Variants in ARHGEF39 observed in about 807,000 individuals in gnomAD.
ARHGEF39 encodes Rho guanine nucleotide exchange factor 39.
A neutral mutation model predicts 47.5 loss-of-function variants in ARHGEF39; 45 were observed. That is an observed-to-expected ratio of 0.95 (90% CI 0.75 to 1.22). ARHGEF39 has a LOEUF of 1.22. ARHGEF39 is among the 50% of genes most tolerant of loss of function. The pLI is 0.00. For missense variants in ARHGEF39, 411 were observed against 425.3 expected (o/e 0.97, Z 0.30); for synonymous variants, 164 against 167.8 (o/e 0.98, Z 0.17).
rs375405530 is a variant in ARHGEF39 at position 35,662,717 on chromosome 9, C to T, written c.698G>A (p.Trp233Ter). 2 of 1,566,462 alleles carry T rather than the reference C, an allele frequency of 1.3e-6. No homozygotes were observed. Among genetic ancestry groups the T allele is most frequent in the African/African-American group, 2.7e-5 (2 of 73,502 alleles). The change falls in exon 7 of 9, where the codon TGG becomes TAG. Residue 233 changes from tryptophan to a stop codon, truncating the protein, a stop_gained. Transcript: ENST00000378387. LOFTEE classifies it high-confidence loss of function. ...CCCATGGGGAGGCACCACTAACAGC[C>T]AGCCCTGGCGTAGGAACCAGCGCCC... ...TSGRWFLRQG[W>*]LLVVPPHGEP...
Position 35,662,754 on chromosome 9 carries a change from A to G in ARHGEF39, c.674-13T>C, listed in dbSNP as rs755777708. The G allele has an allele frequency of 6.4e-7, 1 of 1,550,390 alleles. No individual in the cohort carries two copies. The highest frequency in any genetic ancestry group is 8.7e-7 in the Non-Finnish European group (1 of 1,146,674). On this transcript the variant is annotated splice_polypyrimidine_tract_variant and intron_variant, in intron 6 of 8. Transcript: ENST00000378387. ...AGGAACCAGCGCCCTGGGGGATGGG[A>G]GCGCTGTTATTCTGGTGCAGCTTCA... is the stretch of plus-strand genomic sequence containing the variant.
In ARHGEF39 at chr9:35,661,562, A is replaced by T; in HGVS notation, c.*425T>A. On this transcript the variant is annotated 3_prime_UTR_variant, in exon 9 of 9. Coordinates refer to ENST00000378387, the MANE Select transcript of ARHGEF39 (RefSeq NM_032818.3). ...TTGATAAATGACGGGCCATGGACAC[A>T]GCACAGAGCTTATCAGTCCCAAATC... The T allele has an allele frequency of 2.3e-6, 1 of 436,020 alleles. No homozygotes were observed. Among genetic ancestry groups the T allele is most frequent in the Non-Finnish European group, 4.0e-6 (1 of 248,350 alleles). The allele number at this position is 436,020 out of a possible 1,614,324, so 27.0% of individuals were successfully genotyped here.
chr9:35,664,373 T>G lies in ARHGEF39; in HGVS notation c.353A>C (p.Gln118Pro). ...GATTTGAGGTCATCTCCAGGTTACC[T>G]GCAGGGTGGTCTGGGACCTCTCTGA... ...ANSERSQTTL[Q>P]EQLKKNKGFR... Residue 118 changes from glutamine to proline, a missense_variant and splice_region_variant, in exon 3 of 9, where the codon CAG becomes CCG. Coordinates refer to ENST00000378387, the MANE Select transcript of ARHGEF39 (RefSeq NM_032818.3). 6.2e-7 allele frequency: 1 copy of G among 1,602,912 alleles called. No individual in the cohort carries two copies. Among genetic ancestry groups the G allele is most frequent in the South Asian group, 1.1e-5 (1 of 89,346 alleles).
rs189592819 is a variant in ARHGEF39, at chr9:35,664,116, T to C, written c.365A>G (p.Lys122Arg). The C allele has an allele frequency of 1.9e-6, 3 of 1,614,008 alleles. No homozygotes were observed. Among genetic ancestry groups the C allele is most frequent in the Non-Finnish European group, 1.7e-6 (2 of 1,179,856 alleles). The change falls in exon 4 of 9, where the codon AAG (lysine) becomes AGG (arginine). Residue 122 changes from lysine to arginine, a missense_variant. Transcript: ENST00000378387. ...AAACCTCCGGAAACCTTTATTTTTC[T>C]TTAGCTGCTCCTGGAGTGAGGGAGA... ...RSQTTLQEQL[K>R]KNKGFRRFVR...
In ARHGEF39 at chr9:35,660,662, G is replaced by A; in HGVS notation, c.*1325C>T. On this transcript the variant is annotated 3_prime_UTR_variant, in exon 9 of 9. Coordinates refer to ENST00000378387, the MANE Select transcript of ARHGEF39 (RefSeq NM_032818.3). The stretch of plus-strand genomic sequence containing the variant: ...CTTTTTGAGCGGTGAGGAGAGCAAT[G>A]ATTCTGTGAATTTTTGGGGAATTTG... The A allele has an allele frequency of 6.2e-7, 1 of 1,614,130 alleles. No individual in the cohort carries two copies. Among genetic ancestry groups the A allele is most frequent in the Non-Finnish European group, 8.5e-7 (1 of 1,179,998 alleles).
rs1483391845 is a variant in ARHGEF39, at chr9:35,663,075, C to T, written c.545-1G>A. ...GTCTCACTTATCAGTCGGGCAGCCC[C>T]TGGAATAACATCTCCCACCTTACTC... On this transcript the variant is annotated splice_acceptor_variant, in intron 5 of 8. Coordinates refer to ENST00000378387, the MANE Select transcript of ARHGEF39 (RefSeq NM_032818.3). LOFTEE classifies it high-confidence loss of function. 4 of 1,613,330 alleles carry T rather than the reference C, an allele frequency of 2.5e-6. No individual in the cohort carries two copies. Among genetic ancestry groups the T allele is most frequent in the South Asian group, 2.2e-5 (2 of 91,064 alleles).
At chr9:35,662,363 A>G in intron 7 of ARHGEF39, 96 bp from the exon 8 acceptor site, 2 of 1,424,860 alleles carry the variant, frequency 1.4e-6, no homozygotes, top group Non-Finnish European at 9.8e-7. Flanking sequence ...GGGATGAGAC[A>G]ATGACTAGGT....
rs1824147683 is a variant in ARHGEF39, at chr9:35,664,778, C to T, written c.211G>A (p.Glu71Lys). ...PERQALFGSW[E>K]LIYGASQELL... ...CACTGGCTGGCGCCGTAGATGAGCT[C>T]CCAGGAGCCAAACAGGGCCTGGCGC... The change falls in exon 2 of 9, where the codon GAG becomes AAG. Residue 71 changes from glutamate to lysine, a missense_variant. Coordinates refer to ENST00000378387, the MANE Select transcript of ARHGEF39 (RefSeq NM_032818.3). 1 of 1,612,980 alleles carries T rather than the reference C, an allele frequency of 6.2e-7. No homozygotes were observed. Among genetic ancestry groups the T allele is most frequent in the African/African-American group, 1.3e-5 (1 of 74,926 alleles).
intron 3 of ARHGEF39, 89 bp downstream of exon 3, chr9:35,664,283 G>A: frequency 2.0e-6 from 3 of 1,532,554 alleles, no homozygotes; most frequent in East Asian, 2.3e-5. Flanking sequence ...CACCCAGAGG[G>A]CTCTATAAAT....
Position 35,664,862 on chromosome 9 carries a change from G to T in ARHGEF39, c.139-12C>A, listed in dbSNP as rs1465012061. ...ATCCCCAAAAAGTACTGCGGAAGGA[G>T]AGAACATTGGTTCTTAGCCTAGAGG... On this transcript the variant is annotated splice_polypyrimidine_tract_variant and intron_variant, in intron 1 of 8. Transcript: ENST00000378387. 1.2e-6 allele frequency: 2 copies of T among 1,605,728 alleles called. No homozygotes were observed. Among genetic ancestry groups the T allele is most frequent in the Non-Finnish European group, 1.7e-6 (2 of 1,179,660 alleles).
intron 2 of ARHGEF39, 21 bp downstream of exon 2, chr9:35,664,735 C>A: frequency 2.5e-6 from 4 of 1,605,996 alleles, no homozygotes; most frequent in Non-Finnish European, 3.4e-6. Context: ...CCTTTCCTCT[C>A]CCTGTGCCCC....
At position 35,660,477 on chromosome 9, in the gene ARHGEF39, G is replaced by A. The variant is rs781532634; in HGVS notation, c.*1510C>T. 27 of 1,613,308 alleles carry A rather than the reference G, an allele frequency of 1.7e-5. No individual in the cohort carries two copies. Among genetic ancestry groups the A allele is most frequent in the Middle Eastern group, 1.7e-4 (1 of 6,058 alleles). ...CTGCAGTCAGGTGGGTTTAGCAGAA[G>A]TCTGTGCTGGGTCGGGGGAGTTTAG... On this transcript the variant is annotated 3_prime_UTR_variant, in exon 9 of 9. Transcript: ENST00000378387.
chr9:35,660,840 A>G lies in ARHGEF39; in HGVS notation c.*1147T>C. On this transcript the variant is annotated 3_prime_UTR_variant, in exon 9 of 9. Transcript: ENST00000378387. ...GCAAGATAGCAAGCCGGACAAGGAT[A>G]TGGAGGCTTCAGAACCAGGTGAAGG... The G allele has an allele frequency of 1.2e-6, 2 of 1,614,180 alleles. No individual in the cohort carries two copies.
chr9:35,664,462 G>C lies in ARHGEF39; in HGVS notation c.264C>G (p.Cys88Trp). 3 of 1,607,160 alleles carry C rather than the reference G, an allele frequency of 1.9e-6. No homozygotes were observed. Among genetic ancestry groups the C allele is most frequent in the Non-Finnish European group, 2.6e-6 (3 of 1,175,970 alleles). Reference sequence around the variant, plus strand: ...AGAAGCCCTCCAGCCCTTGGCCCCAGCATCCTCCTTCCAGGTAGGGAAGCA... The same window carrying C: ...AGAAGCCCTCCAGCCCTTGGCCCCACCATCCTCCTTCCAGGTAGGGAAGCA... ...QELLPYLEGG[C>W]WGQGLEGFCR... The change falls in exon 3 of 9, where the codon TGC becomes TGG. Residue 88 changes from cysteine (C) to tryptophan (W), a missense_variant. By Grantham distance (215) the Cys-to-Trp change is radical. Coordinates refer to ENST00000378387, the MANE Select transcript of ARHGEF39 (RefSeq NM_032818.3).
In ARHGEF39 at chr9:35,659,801, A is replaced by G. The variant is rs1231440116; in HGVS notation, c.*2186T>C. On this transcript the variant is annotated 3_prime_UTR_variant, in exon 9 of 9. Transcript: ENST00000378387. ...AGTAAGCACTATGGAAAGAAGATAC[A>G]TAAAGGACAAATTTTGGCTTTGTGC... 1 of 152,270 alleles carries G rather than the reference A, an allele frequency of 6.6e-6. No individual in the cohort carries two copies. The allele number at this position is 152,270 out of a possible 1,614,324, so 9.4% of individuals were successfully genotyped here.
At chr9:35,664,620 C>T (rs1031206116) in intron 2 of ARHGEF39, 128 bp from the exon 3 acceptor site, 16 of 1,478,836 alleles carry the variant, frequency 1.1e-5, no homozygotes, top group Admixed American at 2.5e-5. Context: ...CAAGGGCATG[C>T]TAAGGCCCTG....
rs1823990473 is a variant in ARHGEF39 at position 35,662,255 on chromosome 9, G to A, written c.916C>T (p.His306Tyr). ...CGGLLSLSFP[H>Y]EKLLLMSTDQ... ...GTGGACATAAGCAGTAGCTTCTCAT[G>A]AGGGAAGGACAGCTAGAGAGAGACC... The change falls in exon 8 of 9, where the codon CAT (histidine) becomes TAT (tyrosine). Residue 306 changes from histidine (H) to tyrosine (Y), a missense_variant. Coordinates refer to ENST00000378387, the MANE Select transcript of ARHGEF39 (RefSeq NM_032818.3). 1.2e-5 allele frequency: 19 copies of A among 1,613,942 alleles called. No individual in the cohort carries two copies. Among genetic ancestry groups the A allele is most frequent in the Non-Finnish European group, 1.6e-5 (19 of 1,179,810 alleles).
intron 2 of ARHGEF39, 39 bp from the exon 3 acceptor site, chr9:35,664,531 C>T (rs780743748): frequency 1.3e-6 from 2 of 1,551,576 alleles, no homozygotes; most frequent in Non-Finnish European, 1.7e-6. Flanking sequence ...GCTCTAGAAC[C>T]ACTCAAGCAC....
At position 35,663,338 on chromosome 9, in the gene ARHGEF39, G is replaced by A. The variant is rs1269187314; in HGVS notation, c.528C>T (p.Asp176=). Residue 176 remains aspartate (D), a synonymous_variant, in exon 5 of 9, where the codon GAC becomes GAT. Coordinates refer to ENST00000378387, the MANE Select transcript of ARHGEF39 (RefSeq NM_032818.3). The part of the protein sequence containing the change: ...LAENTGPNSP[D]HQQLTRAARL... ...AGAACCTACGTGTGAGCTGTTGATG[G>A]TCAGGGCTGTTGGGACCTGTGTTTT... is the stretch of plus-strand genomic sequence containing the variant. 2 of 1,613,920 alleles carry A rather than the reference G, an allele frequency of 1.2e-6. No homozygotes were observed. The highest frequency in any genetic ancestry group is 2.2e-5 in the East Asian group (1 of 44,902).
Sources: gnomAD v4.1 joint callset for allele counts on GRCh38, gnomAD v4.1.1 for gene constraint, MANE v1.5 for transcripts, NCBI Gene and HGNC (gene_info 2026-07-23, HGNC 2026-07-21) for gene names.